COL4A5: variants seen among roughly 807,000 people sequenced by gnomAD.
COL4A5 encodes the protein collagen alpha-5(IV) chain.
A neutral mutation model predicts 130.2 loss-of-function variants in COL4A5; 26 were observed. That is an observed-to-expected ratio of 0.20 (90% CI 0.15 to 0.28). The LOEUF (loss-of-function observed/expected upper bound fraction) is 0.28. COL4A5 is among the 10% of genes least tolerant of loss of function. The pLI is 1.00. For synonymous variants in COL4A5, 496 were observed against 439.6 expected (o/e 1.13, Z -1.60); for missense variants, 1,131 against 1,344.3 (o/e 0.84, Z 2.48).
intron 1 of COL4A5, chrX:108,442,770 G>A (rs1025677459): frequency 1.8e-4 from 20 of 111,356 alleles, no homozygotes; most frequent in African/African-American, 5.9e-4. Context: ...TATTAATGTA[G>A]ATAACATAAT....
intron 30 of COL4A5, 51 bp from the exon 31 acceptor site, chrX:108,620,208 A>C: frequency 2.8e-6 from 3 of 1,053,230 alleles, no homozygotes; most frequent in Non-Finnish European, 4.0e-6. Context: ...AACCAGATAC[A>C]TCTTTTAAAA....
intron 17 of COL4A5, 115 bp from the exon 18 acceptor site, chrX:108,584,369 T>G: frequency 3.2e-6 from 2 of 616,939 alleles, no homozygotes; most frequent in South Asian, 5.0e-5. Flanking sequence ...ATTTCTCATT[T>G]GAGGTATTTT....
In COL4A5 at chrX:108,539,600, T is replaced by G. The variant is rs2065506163; in HGVS notation, c.82-146T>G. 2.1e-5 allele frequency: 11 copies of G among 518,853 alleles called. 1 individual carries two copies. Among genetic ancestry groups the G allele is most frequent in the Non-Finnish European group, 2.7e-5 (8 of 294,895 alleles). The allele number at this position is 518,853 out of a possible 1,213,427, so 42.8% of individuals were successfully genotyped here. ...GTGCAAGCTTCCTGAGAGGTAACTG[T>G]TATTTGCAATTTCGTATATCTTTTC... On this transcript the variant is annotated intron_variant, in intron 1 of 52. Coordinates refer to ENST00000328300, the MANE Select transcript of COL4A5 (RefSeq NM_033380.3).
intron 43 of COL4A5, among the ~76,000 whole-genome samples, chrX:108,675,144 G>T (rs1191328138): frequency 9.0e-6 from 1 of 111,064 alleles, no homozygotes; most frequent in African/African-American, 3.3e-5. Flanking sequence ...TGTATTTATG[G>T]CTATTTTCAG....
At chrX:108,508,808 G>A (rs1352666621) in intron 1 of COL4A5, among the ~76,000 whole-genome samples, 1 of 111,521 alleles carries the variant, frequency 9.0e-6, no homozygotes, top group Admixed American at 9.5e-5. Context: ...CAAGCAATGG[G>A]GAAAAGACTT....
intron 28 of COL4A5, among the ~76,000 whole-genome samples, chrX:108,605,718 C>T (rs1322550247): frequency 8.9e-6 from 1 of 111,834 alleles, no homozygotes; most frequent in African/African-American, 3.3e-5. Context: ...GTACGATGGT[C>T]TGCTCCCTCT....
intron 1 of COL4A5, among the ~76,000 whole-genome samples, chrX:108,473,517 C>CA (rs1350575443): frequency 7.4e-5 from 7 of 94,014 alleles, no homozygotes; most frequent in Non-Finnish European, 1.5e-4. Context: ...TAGTTTTTAA[C>CA]AAAAAGTTTT....
At chrX:108,557,124 G>A (rs1357554383) in intron 2 of COL4A5, among the ~76,000 whole-genome samples, 2 of 111,013 alleles carry the variant, frequency 1.8e-5, no homozygotes, top group African/African-American at 6.6e-5. Context: ...TTTTGGCAGA[G>A]ATATGCTGTA....
At chrX:108,681,304 A>G (rs763463973) in intron 46 of COL4A5, among the ~76,000 whole-genome samples, 1 of 110,690 alleles carries the variant, frequency 9.0e-6, no homozygotes, top group Non-Finnish European at 1.9e-5. Flanking sequence ...TCTTTTTCCT[A>G]AGAGGCTTAT....
intron 1 of COL4A5, 50 bp from the exon 2 acceptor site, chrX:108,539,696 A>C (rs2065507673): frequency 9.6e-7 from 1 of 1,046,567 alleles, no homozygotes; most frequent in South Asian, 1.9e-5. Context: ...TCAGAGTCTG[A>C]TTTTTGGGTT....
chrX:108,598,648 C>A (rs1603290615), intron 24 of COL4A5, 54 bp from the exon 25 acceptor site: 1 of 1,081,216 alleles, frequency 9.2e-7, no homozygotes, highest in East Asian at 3.0e-5. Flanking sequence ...CAGTACCAAC[C>A]TACAGATAGT....
chrX:108,515,007 G>A (rs1470878138), intron 1 of COL4A5, among the ~76,000 whole-genome samples: 1 of 111,879 alleles, frequency 8.9e-6, no homozygotes, highest in Non-Finnish European at 1.9e-5. Flanking sequence ...GGAATCCTGT[G>A]TATAAGATAG....
chrX:108,529,769 A>G (rs2065361021), intron 1 of COL4A5, among the ~76,000 whole-genome samples: 1 of 110,832 alleles, frequency 9.0e-6, no homozygotes, highest in Non-Finnish European at 1.9e-5. Flanking sequence ...CCTATATCAG[A>G]TAAAAGAGAG....
At chrX:108,689,245 A>G in intron 49 of COL4A5, 3 of 360,684 alleles carry the variant, frequency 8.3e-6, no homozygotes, top group Non-Finnish European at 7.1e-6. Context: ...AATTTAATTT[A>G]ATATCTTCAG....
chrX:108,633,929 C>T (rs1004846266), intron 36 of COL4A5, among the ~76,000 whole-genome samples: 11 of 111,325 alleles, frequency 9.9e-5, no homozygotes, highest in Non-Finnish European at 2.1e-4. Flanking sequence ...TACTTAACAC[C>T]GATCCACAAC....
At chrX:108,486,569 C>T (rs1055377549) in intron 1 of COL4A5, among the ~76,000 whole-genome samples, 1 of 111,419 alleles carries the variant, frequency 9.0e-6, no homozygotes, top group Non-Finnish European at 1.9e-5. Context: ...CCTTACACCC[C>T]TCCCACCCTT....
Position 108,560,289 on chromosome X carries a change from T to C in COL4A5, c.231+1136T>C, listed in dbSNP as rs976159903. Among the ~76,000 whole-genome samples, 3 of 112,096 alleles carry C rather than the reference T, an allele frequency of 2.7e-5. No homozygotes were observed. In the Admixed American group the frequency reaches 2.8e-4, roughly 11 times the overall value. ...TTTTTTCTTAAGTCTTATGATGGAT[T>C]GTTCTACTTTGCCAGTTTTCATTGA... On this transcript the variant is annotated intron_variant, in intron 3 of 52. Transcript: ENST00000328300.
chrX:108,477,815 C>CA (rs749101117), intron 1 of COL4A5, among the ~76,000 whole-genome samples: 1,067 of 33,571 alleles, frequency 0.032, 15 homozygotes, highest in South Asian at 0.08. Context: ...GACTTTGTCT[C>CA]AAAAAAAAAA....
intron 1 of COL4A5, among the ~76,000 whole-genome samples, chrX:108,482,992 T>G (rs1200325898): frequency 2.7e-5 from 3 of 111,658 alleles, no homozygotes; most frequent in African/African-American, 9.8e-5. Context: ...TTTTGCATAA[T>G]TCTCTAAATA....
Sources: allele counts gnomAD v4.1 joint callset (sites outside exome capture counted in the v4.1 genomes callset), GRCh38; gene constraint gnomAD v4.1.1; transcripts MANE v1.5; gene names NCBI Gene and HGNC (gene_info 2026-07-23, HGNC 2026-07-21).